GPR4: variants seen among roughly 807,000 people sequenced by gnomAD.
GPR4 encodes G protein-coupled receptor 4.
GPR4 carries 11 observed loss-of-function variants against 17.8 expected under a neutral mutation model. The observed-to-expected ratio is 0.62, with a 90% CI of 0.39 to 1.02. GPR4 has a LOEUF of 1.02. Ranked by LOEUF, GPR4 falls within the 50% of genes least tolerant of loss-of-function variation. The pLI is 0.00. For synonymous variants in GPR4, 219 were observed against 222.8 expected (o/e 0.98, Z 0.15); for missense variants, 364 against 495.4 (o/e 0.73, Z 2.52).
intron 1 of GPR4, among the ~76,000 whole-genome samples, chr19:45,593,004 C>T (rs1371912716): frequency 2.0e-5 from 3 of 151,640 alleles, no homozygotes; most frequent in African/African-American, 7.3e-5. Context: ...CCAGCCTGGG[C>T]AATGCAGTGA....
chr19:45,592,821 C>T (rs1366187232), intron 1 of GPR4, 124 bp from the exon 2 acceptor site: 2 of 156,436 alleles, frequency 1.3e-5, no homozygotes, highest in African/African-American at 4.8e-5. Flanking sequence ...TACTTCAGCC[C>T]CATCCTAAGC....
chr19:45,592,088 G>A lies in GPR4; in HGVS notation c.-222C>T. ...TTGGAGGAGGGATGGAATTATGACA[G>A]GAGGGAAGTCTGGAGGATGGTGAGA... On this transcript the variant is annotated 5_prime_UTR_variant, in exon 2 of 2. Coordinates refer to ENST00000323040, the MANE Select transcript of GPR4 (RefSeq NM_005282.3). 1 of 497,350 alleles carries A rather than the reference G, an allele frequency of 2.0e-6. No individual in the cohort carries two copies. The highest frequency in any genetic ancestry group is 3.7e-6 in the Non-Finnish European group (1 of 273,640). 30.8% of individuals were successfully genotyped at this position (497,350 alleles called of 1,614,324 possible).
chr19:45,592,040 G>T lies in GPR4; in HGVS notation c.-174C>A. 1 of 597,902 alleles carries T rather than the reference G, an allele frequency of 1.7e-6. No homozygotes were observed. The highest frequency in any genetic ancestry group is 2.8e-6 in the Non-Finnish European group (1 of 352,360). The allele number at this position is 597,902 out of a possible 1,614,324, so 37.0% of individuals were successfully genotyped here. On this transcript the variant is annotated 5_prime_UTR_variant, in exon 2 of 2. Transcript: ENST00000323040. ...TGGGTAGGCTGGGCTGGGCTGGGAAGGGCAGAGCTTGAGAGGGAAAAGTTG... is the reference window on the plus strand; with the variant it reads ...TGGGTAGGCTGGGCTGGGCTGGGAATGGCAGAGCTTGAGAGGGAAAAGTTG...
chr19:45,597,476 T>C (rs1349186893), intron 1 of GPR4, among the ~76,000 whole-genome samples: 1 of 152,070 alleles, frequency 6.6e-6, no homozygotes, highest in African/African-American at 2.4e-5. Context: ...ATCACCCTGT[T>C]TTGTTTGTGT....
Position 45,598,972 on chromosome 19 carries a change from C to T in GPR4, c.-832+3123G>A, listed in dbSNP as rs368852490. Among the ~76,000 whole-genome samples, 5 of 152,302 alleles carry T rather than the reference C, an allele frequency of 3.3e-5. No homozygotes were observed. The South Asian group carries it at 1.0e-3, about 32-fold the overall frequency. Reference sequence around the variant, plus strand: ...GCAAGCGACCTTCCATCACCTGATCCCCATAACCCCGTTCCCCTTCCAGGA... The same window carrying T: ...GCAAGCGACCTTCCATCACCTGATCTCCATAACCCCGTTCCCCTTCCAGGA... On this transcript the variant is annotated intron_variant, in intron 1 of 1. Coordinates refer to ENST00000323040, the MANE Select transcript of GPR4 (RefSeq NM_005282.3).
chr19:45,595,125 A>G (rs533087716), intron 1 of GPR4, among the ~76,000 whole-genome samples: 19 of 150,502 alleles, frequency 1.3e-4, no homozygotes, highest in Non-Finnish European at 2.5e-4. Flanking sequence ...AAAAATACAA[A>G]ATAAGCTAGG....
intron 1 of GPR4, among the ~76,000 whole-genome samples, chr19:45,599,359 T>G (rs1438514954): frequency 2.0e-5 from 3 of 151,460 alleles, no homozygotes; most frequent in South Asian, 2.1e-4. Flanking sequence ...CTCACCAGCC[T>G]TGTCCCCGAT....
rs1388160465 is a variant in GPR4 at position 45,590,097 on chromosome 19, C to T, written c.*681G>A. The T allele has an allele frequency of 6.6e-6, 1 of 152,082 alleles. No homozygotes were observed. Among genetic ancestry groups the T allele is most frequent in the African/African-American group, 2.4e-5 (1 of 41,390 alleles). 9.4% of individuals were successfully genotyped at this position (152,082 alleles called of 1,614,324 possible). ...GTCTTATGTTCCCTGGCCTGTATGA[C>T]CAGGGGCTTTGCAAACATAATGACT... On this transcript the variant is annotated 3_prime_UTR_variant, in exon 2 of 2. Coordinates refer to ENST00000323040, the MANE Select transcript of GPR4 (RefSeq NM_005282.3).
In GPR4 at chr19:45,591,227, T is replaced by A; in HGVS notation, c.640A>T (p.Thr214Ser). Reference sequence around the variant, plus strand: ...ATCTTGGCCTTCTCCTGGCGCTCGGTGGACACGCTGCCCCGCACGGCCCGC... The same window carrying A: ...ATCTTGGCCTTCTCCTGGCGCTCGGAGGACACGCTGCCCCGCACGGCCCGC... ...ILRAVRGSVS[T>S]ERQEKAKIKR... Residue 214 changes from threonine to serine, a missense_variant, in exon 2 of 2, where the codon ACC becomes TCC. By Grantham distance (58) the Thr-to-Ser change is moderately conservative. Coordinates refer to ENST00000323040, the MANE Select transcript of GPR4 (RefSeq NM_005282.3). The surrounding 1 kb of genome is among the most constrained non-coding windows in gnomAD (Gnocchi z 7.6). The A allele has an allele frequency of 1.9e-6, 3 of 1,613,238 alleles. No homozygotes were observed. The highest frequency in any genetic ancestry group is 2.5e-6 in the Non-Finnish European group (3 of 1,179,924).
At chr19:45,593,187 G>C (rs1443750232) in intron 1 of GPR4, among the ~76,000 whole-genome samples, 1 of 113,832 alleles carries the variant, frequency 8.8e-6, no homozygotes, top group Non-Finnish European at 1.7e-5. Flanking sequence ...AACAGAGTGA[G>C]ACCCTGTCTC....
At chr19:45,597,494 C>T (rs10415062) in intron 1 of GPR4, among the ~76,000 whole-genome samples, 66,067 of 151,912 alleles carry the variant, frequency 0.43, 15,794 homozygotes, top group African/African-American at 0.63. Flanking sequence ...TGTCTGTCTG[C>T]CTAGAATAGG....
In GPR4 at chr19:45,591,314, G is replaced by A; in HGVS notation, c.553C>T (p.Arg185Trp). 6.2e-7 allele frequency: 1 copy of A among 1,612,876 alleles called. No homozygotes were observed. The highest frequency in any genetic ancestry group is 8.5e-7 in the Non-Finnish European group (1 of 1,179,836). ...EGWVAWMNLY[R>W]VFVGFLFPWA... ...GGGAAGAGGAAGCCCACGAACACCC[G>A]ATAGAGGTTCATCCAGGCCACCCAG... The change falls in exon 2 of 2, where the codon CGG becomes TGG. Residue 185 changes from arginine to tryptophan, a missense_variant. Arg to Trp is a moderately radical substitution (Grantham distance 101). Coordinates refer to ENST00000323040, the MANE Select transcript of GPR4 (RefSeq NM_005282.3). The surrounding 1 kb of genome is among the most constrained non-coding windows in gnomAD (Gnocchi z 7.6).
chr19:45,591,322 T>A lies in GPR4; in HGVS notation c.545A>T (p.Asn182Ile). ...GAAGCCCACGAACACCCGATAGAGG[T>A]TCATCCAGGCCACCCAGCCTTCCAT... ...FPMEGWVAWM[N>I]LYRVFVGFLF... Residue 182 changes from asparagine (N) to isoleucine (I), a missense_variant, in exon 2 of 2, where the codon AAC becomes ATC. This residue lies in a region of GPR4 where 271 missense variants were observed against 373.1 expected (regional missense o/e 0.73). Transcript: ENST00000323040. This position sits in a 1 kb window ranked among gnomAD's most constrained non-coding sequence, Gnocchi z 7.6. 6.2e-7 allele frequency: 1 copy of A among 1,612,220 alleles called. No individual in the cohort carries two copies. The highest frequency in any genetic ancestry group is 2.2e-5 in the East Asian group (1 of 44,804).
rs1419166216 is a variant in GPR4, at chr19:45,591,298, A to C, written c.569T>G (p.Phe190Cys). 1 of 1,612,708 alleles carries C rather than the reference A, an allele frequency of 6.2e-7. No individual in the cohort carries two copies. Among genetic ancestry groups the C allele is most frequent in the Non-Finnish European group, 8.5e-7 (1 of 1,179,816 alleles). Residue 190 changes from phenylalanine to cysteine, a missense_variant, in exon 2 of 2, where the codon TTC (phenylalanine) becomes TGC (cysteine). By Grantham distance (205) the Phe-to-Cys change is radical. Around this residue, in one of 3 missense-constraint regions of GPR4, gnomAD observed 271 missense variants for 373.1 expected, o/e 0.73. Coordinates refer to ENST00000323040, the MANE Select transcript of GPR4 (RefSeq NM_005282.3). This position sits in a 1 kb window ranked among gnomAD's most constrained non-coding sequence, Gnocchi z 7.6. ...CAGCATGAGCGCCCACGGGAAGAGG[A>C]AGCCCACGAACACCCGATAGAGGTT... ...WMNLYRVFVG[F>C]LFPWALMLLS... is the part of the protein sequence containing the mutation.
At position 45,590,441 on chromosome 19, in the gene GPR4, T is replaced by C. The variant is rs1969977173; in HGVS notation, c.*337A>G. On this transcript the variant is annotated 3_prime_UTR_variant, in exon 2 of 2. Coordinates refer to ENST00000323040, the MANE Select transcript of GPR4 (RefSeq NM_005282.3). ...TGGTCCCAGCTACTCGGGAGGCTGA[T>C]GTGGGAAGATCGCTGGAGAGCCCAG... The C allele has an allele frequency of 4.3e-6, 1 of 234,270 alleles. No individual in the cohort carries two copies. The highest frequency in any genetic ancestry group is 8.2e-6 in the Non-Finnish European group (1 of 121,410). 14.5% of individuals were successfully genotyped at this position (234,270 alleles called of 1,614,324 possible).
At chr19:45,597,073 C>CT (rs56679454) in intron 1 of GPR4, among the ~76,000 whole-genome samples, 1,906 of 145,540 alleles carry the variant, frequency 0.013, 47 homozygotes, top group Admixed American at 0.063. Context: ...CTGGAATGCT[C>CT]TTTTTTTTTT....
At chr19:45,595,897 AGGT>A (rs1225964232) in intron 1 of GPR4, among the ~76,000 whole-genome samples, 1 of 152,180 alleles carries the variant, frequency 6.6e-6, no homozygotes, top group African/African-American at 2.4e-5. Flanking sequence ...ATGGAGTTTA[AGGT>A]GGAGTCTATT....
At position 45,590,828 on chromosome 19, in the gene GPR4, G is replaced by A; in HGVS notation, c.1039C>T (p.Pro347Ser). Residue 347 changes from proline to serine, a missense_variant, in exon 2 of 2, where the codon CCC (proline) becomes TCC (serine). Physicochemically the swap from Pro to Ser is moderately conservative, Grantham distance 74 (BLOSUM62 -1). Coordinates refer to ENST00000323040, the MANE Select transcript of GPR4 (RefSeq NM_005282.3). Reference protein sequence around the residue: ...AMTGSWAATPPSQGDQVQLKM... With the variant: ...AMTGSWAATPSSQGDQVQLKM... ...AGCTGCACCTGGTCCCCCTGGGAGGGCGGAGTGGCCGCCCAGCTGCCAGTC... is the reference window on the plus strand; with the variant it reads ...AGCTGCACCTGGTCCCCCTGGGAGGACGGAGTGGCCGCCCAGCTGCCAGTC... 2 of 1,607,598 alleles carry A rather than the reference G, an allele frequency of 1.2e-6. No individual in the cohort carries two copies. Among genetic ancestry groups the A allele is most frequent in the Non-Finnish European group, 1.7e-6 (2 of 1,176,132 alleles).
chr19:45,594,989 A>G (rs1280534937), intron 1 of GPR4, among the ~76,000 whole-genome samples: 1 of 142,278 alleles, frequency 7.0e-6, no homozygotes, highest in Non-Finnish European at 1.5e-5. Context: ...ATCTCAAAAA[A>G]AAGAAGTCCA....
Sources: allele counts gnomAD v4.1 joint callset (sites outside exome capture counted in the v4.1 genomes callset), GRCh38; gene constraint gnomAD v4.1.1; regional missense constraint gnomAD v4.1.1; non-coding constraint Gnocchi (gnomAD v3.1); transcripts MANE v1.5; gene names NCBI Gene and HGNC (gene_info 2026-07-23, HGNC 2026-07-21).